OTOA: variants seen among roughly 807,000 people sequenced by gnomAD.
OTOA encodes the protein cancer/testis antigen 108.
A neutral mutation model predicts 110.8 loss-of-function variants in OTOA; 70 were observed. That is an observed-to-expected ratio of 0.63 (90% CI 0.52 to 0.77). OTOA has a LOEUF of 0.77. OTOA is among the 30% of genes least tolerant of loss of function. The pLI, the probability that OTOA is intolerant of heterozygous loss-of-function variation, is 0.00. For missense variants in OTOA, 917 were observed against 1,075.8 expected (o/e 0.85, Z 2.06); for synonymous variants, 373 against 431.5 (o/e 0.86, Z 1.68).
chr16:21,736,141 G>C, intron 21 of OTOA, 120 bp from the exon 22 acceptor site: 1 of 878,660 alleles, frequency 1.1e-6, no homozygotes, highest in Non-Finnish European at 1.9e-6. Flanking sequence ...AGATTTATAT[G>C]AGAAGTTGCT....
chr16:21,705,561 G>A, intron 12 of OTOA: 1 of 472,592 alleles, frequency 2.1e-6, no homozygotes, highest in Non-Finnish European at 3.8e-6. Flanking sequence ...TGTAATCCCA[G>A]CACTTTGGGA....
intron 27 of OTOA, among the ~76,000 whole-genome samples, chr16:21,755,975 C>G: frequency 6.6e-6 from 1 of 151,066 alleles, no homozygotes; most frequent in Non-Finnish European, 1.5e-5. Context: ...TTTCCAGGAG[C>G]CTGAACTGTG....
At chr16:21,707,734 CTCTT>C (rs59241184) in intron 12 of OTOA, among the ~76,000 whole-genome samples, 3,817 of 129,618 alleles carry the variant, frequency 0.029, 128 homozygotes, top group Middle Eastern at 0.058. Flanking sequence ...CTCACTCTCT[CTCTT>C]TCTTTCTTTC....
At chr16:21,692,358 G>T (rs1169497826) in intron 9 of OTOA, among the ~76,000 whole-genome samples, 2 of 151,540 alleles carry the variant, frequency 1.3e-5, no homozygotes, top group Non-Finnish European at 2.9e-5. Context: ...AGACAGAAGA[G>T]AATTTTATTA....
At chr16:21,714,867 A>C in intron 13 of OTOA, 118 bp from the exon 14 acceptor site, 1 of 1,341,688 alleles carries the variant, frequency 7.5e-7, no homozygotes, top group Non-Finnish European at 1.1e-6. Flanking sequence ...TGTCTGGCTC[A>C]CTGCTGTGCC....
Position 21,697,785 on chromosome 16 carries a change from T to C in OTOA, c.750T>C (p.Ala250=), listed in dbSNP as rs778034076. The C allele has an allele frequency of 3.1e-6, 5 of 1,614,096 alleles. No individual in the cohort carries two copies. The South Asian group carries it at 4.4e-5, about 14-fold the overall frequency. Reference sequence around the variant, plus strand: ...CTTTATTTTTTGTAGATGACTCTGCTTCATGGGTCAGTGCGGAACACTTAT... The same window carrying C: ...CTTTATTTTTTGTAGATGACTCTGCCTCATGGGTCAGTGCGGAACACTTAT... ...QTSSNATDDS[A]SWVSAEHLWV... The change falls in exon 10 of 29, where the codon GCT becomes GCC. Residue 250 remains alanine, a synonymous_variant. Coordinates refer to ENST00000646100, the MANE Select transcript of OTOA (RefSeq NM_144672.4).
intron 24 of OTOA, chr16:21,747,215 TG>T (rs2141751031): frequency 7.1e-6 from 1 of 140,638 alleles, no homozygotes; most frequent in East Asian, 2.2e-4. Context: ...TATAATCCCA[TG>T]GTTCTTTGAC....
rs147800791 is a variant in OTOA at position 21,664,995 on chromosome 16, A to T, written c.-5+763A>T. On this transcript the variant is annotated intron_variant, in intron 1 of 28. Transcript: ENST00000646100. The stretch of plus-strand genomic sequence containing the variant: ...TCATGAATGAATAAATAAATAAATA[A>T]ATAAATAAATAAATAAATAAACAAA... Among the ~76,000 whole-genome samples the T allele has an allele frequency of 9.9e-3, 1,499 of 151,562 alleles. 48 individuals are homozygous for T. Among genetic ancestry groups the T allele is most frequent in the East Asian group, 0.083 (428 of 5,174 alleles).
At chr16:21,696,692 C>G (rs1897947333) in intron 9 of OTOA, among the ~76,000 whole-genome samples, 1 of 152,008 alleles carries the variant, frequency 6.6e-6, no homozygotes, top group Non-Finnish European at 1.5e-5. Context: ...GCCTCAGCCT[C>G]CCAAGTAGCT....
intron 18 of OTOA, 136 bp downstream of exon 18, chr16:21,723,114 C>A: frequency 1.2e-6 from 1 of 812,280 alleles, no homozygotes; most frequent in Non-Finnish European, 2.1e-6. Flanking sequence ...GAGAGTTAAG[C>A]CCTTGAGATC....
At chr16:21,685,382 C>A (rs915178636) in intron 7 of OTOA, 21 bp downstream of exon 7, 5 of 1,607,692 alleles carry the variant, frequency 3.1e-6, no homozygotes, top group Middle Eastern at 1.7e-4. Flanking sequence ...CTTGGCATCC[C>A]GGGGATAGAG....
chr16:21,713,585 T>C (rs1898423477), intron 13 of OTOA, among the ~76,000 whole-genome samples: 1 of 152,196 alleles, frequency 6.6e-6, no homozygotes, highest in South Asian at 2.1e-4. Context: ...AGTCTTCATT[T>C]TCCAGTTCAT....
At chr16:21,734,342 A>C (rs565310570) in intron 21 of OTOA, among the ~76,000 whole-genome samples, 1 of 149,624 alleles carries the variant, frequency 6.7e-6, no homozygotes, top group Non-Finnish European at 1.5e-5. Flanking sequence ...GTCACATAGA[A>C]TGGAACAGCA....
rs1346273178 is a variant in OTOA, at chr16:21,752,218, T to C, written c.2918+141T>C. The C allele has an allele frequency of 5.1e-5, 21 of 413,486 alleles. 2 individuals are homozygous for C. The East Asian group carries it at 6.5e-4, about 13-fold the overall frequency. 25.6% of individuals were successfully genotyped at this position (413,486 alleles called of 1,614,324 possible). On this transcript the variant is annotated intron_variant, in intron 25 of 28. Transcript: ENST00000646100. ...GCACCTTTCTGGGCTAAAATCCCACTGGGCTAATGGGATAAGCTGGATCTG... is the reference window on the plus strand; with the variant it reads ...GCACCTTTCTGGGCTAAAATCCCACCGGGCTAATGGGATAAGCTGGATCTG...
At chr16:21,736,441 T>C in intron 22 of OTOA, 51 bp downstream of exon 22, 1 of 1,612,136 alleles carries the variant, frequency 6.2e-7, no homozygotes, top group Non-Finnish European at 8.5e-7. Flanking sequence ...AATTAATGTT[T>C]TGGGCAGGGT....
At chr16:21,708,771 T>C (rs934758119) in intron 12 of OTOA, among the ~76,000 whole-genome samples, 11 of 152,206 alleles carry the variant, frequency 7.2e-5, no homozygotes, top group African/African-American at 2.4e-4. Flanking sequence ...ACTACGTTAT[T>C]ACGTAAATTC....
At chr16:21,709,769 AG>A in intron 12 of OTOA, 118 bp from the exon 13 acceptor site, 1 of 901,180 alleles carries the variant, frequency 1.1e-6, no homozygotes, top group Non-Finnish European at 1.8e-6. Context: ...TGAGCCCAAA[AG>A]CTTTGATGGA....
At position 21,715,110 on chromosome 16, in the gene OTOA, A is replaced by T; in HGVS notation, c.1446A>T (p.Val482=). ...TGAGAAGTGCCGTCTCCCAGTATGT[A>T]TCCGACTTGTCACCTGCCCAGCAGC... ...QVLRSAVSQY[V]SDLSPAQQQG... The change falls in exon 14 of 29, where the codon GTA becomes GTT. Residue 482 remains valine, a synonymous_variant. Transcript: ENST00000646100. The T allele has an allele frequency of 6.2e-7, 1 of 1,614,202 alleles. No individual in the cohort carries two copies. The highest frequency in any genetic ancestry group is 8.5e-7 in the Non-Finnish European group (1 of 1,180,028).
rs75286119 is a variant in OTOA, at chr16:21,687,918, C to T, written c.635+270C>T. ...ACATCAAGTGATCCACCTGCCTTGG[C>T]CTCCCAAAGTGCTTGGATTACGGGC... On this transcript the variant is annotated intron_variant, in intron 8 of 28. Transcript: ENST00000646100. Among the ~76,000 whole-genome samples, 2,927 of 152,062 alleles carry T rather than the reference C, an allele frequency of 0.019. 76 individuals carry two copies. Among genetic ancestry groups the T allele is most frequent in the East Asian group, 0.056 (290 of 5,140 alleles).
Sources: gnomAD v4.1 joint callset for allele counts (sites outside exome capture counted in the v4.1 genomes callset) on GRCh38, gnomAD v4.1.1 for gene constraint, MANE v1.5 for transcripts, NCBI Gene and HGNC (gene_info 2026-07-23, HGNC 2026-07-21) for gene names.